The following DBN1 variants were observed in gnomAD, a reference collection of about 807,000 sequenced individuals.
The protein encoded by DBN1 is drebrin.
Under a neutral mutation model 83.5 loss-of-function variants are expected in DBN1, and 21 were observed. That is an observed-to-expected ratio of 0.25 (90% CI 0.18 to 0.36). The LOEUF (loss-of-function observed/expected upper bound fraction) is 0.36. Ranked by LOEUF, DBN1 falls within the 10% of genes least tolerant of loss-of-function variation. The pLI is 1.00. For synonymous variants in DBN1, 381 were observed against 384.9 expected (o/e 0.99, Z 0.12); for missense variants, 874 against 935.7 (o/e 0.93, Z 0.86).
In DBN1 at chr5:177,459,604, T is replaced by A; in HGVS notation, c.1092A>T (p.Pro364=). The A allele has an allele frequency of 6.6e-7, 1 of 1,524,426 alleles. No homozygotes were observed. 94.4% of individuals were successfully genotyped at this position (1,524,426 alleles called of 1,614,324 possible). A position where few individuals can be genotyped will look rare whatever the true frequency, so the allele number is the denominator to read the frequency against. Residue 364 remains proline, a splice_region_variant and synonymous_variant, in exon 11 of 15, where the codon CCA becomes CCT. Transcript: ENST00000393565. ...HRTPNLSSSL[P]CSHLDSHRRM... is the part of the protein sequence containing the mutation. ...CCGAGGCCTGGGGCTGCTACCTACA[T>A]GGGAGGGAGGAAGAGAGGTTTGGGG...
chr5:177,462,445 C>T (rs1757120471), intron 8 of DBN1: 1 of 981,268 alleles, frequency 1.0e-6, no homozygotes, highest in Non-Finnish European at 1.2e-6. Context: ...AGGTCATTTC[C>T]TCCTCTGGGT....
intron 8 of DBN1, among the ~76,000 whole-genome samples, chr5:177,460,940 C>T (rs545995048): frequency 2.6e-5 from 4 of 152,006 alleles, no homozygotes; most frequent in African/African-American, 9.6e-5. Flanking sequence ...CCACCATGCC[C>T]GGCTAATTTT....
chr5:177,466,715 C>T lies in DBN1; in HGVS notation c.771+57G>A. 1 of 1,593,014 alleles carries T rather than the reference C, an allele frequency of 6.3e-7. No homozygotes were observed. The highest frequency in any genetic ancestry group is 1.3e-5 in the African/African-American group (1 of 74,578). ...GATCTCCCCACAAGGCCCAGGAACA[C>T]AGGGACCATTCTCACTTCCCTGACC... On this transcript the variant is annotated intron_variant, in intron 8 of 14. Transcript: ENST00000393565. This position sits in a 1 kb window ranked among gnomAD's most constrained non-coding sequence, Gnocchi z 4.8.
rs534607373 is a variant in DBN1 at position 177,464,961 on chromosome 5, T to C, written c.771+1811A>G. ...TGAGGTCAGGAGATCGAGACCACCC[T>C]GGCTAACATGGTGAAACCCCGTCTC... On this transcript the variant is annotated intron_variant, in intron 8 of 14. Coordinates refer to ENST00000393565, the MANE Select transcript of DBN1 (RefSeq NM_001363541.2). Among the ~76,000 whole-genome samples the C allele has an allele frequency of 6.5e-3, 992 of 152,178 alleles. 4 individuals carry two copies. The highest frequency in any genetic ancestry group is 0.017 in the Middle Eastern group (5 of 294).
At position 177,459,138 on chromosome 5, in the gene DBN1, CGAG is replaced by C. The variant is rs750160145; in HGVS notation, c.1221_1223del (p.Ser408del). ...GTGGCGGTGGCAGTGGTGGAGGCTG[CGAG>C]GAGGTGACCTCATCCAGGGCCCGCT... On this transcript the variant is annotated inframe_deletion, in exon 12 of 15. Coordinates refer to ENST00000393565, the MANE Select transcript of DBN1 (RefSeq NM_001363541.2). The C allele has an allele frequency of 1.1e-5, 18 of 1,610,198 alleles. No homozygotes were observed. In the South Asian group the frequency reaches 1.4e-4, roughly 13 times the overall value.
At chr5:177,471,355 C>A (rs1757829901) in intron 1 of DBN1, among the ~76,000 whole-genome samples, 2 of 152,130 alleles carry the variant, frequency 1.3e-5, no homozygotes, top group Admixed American at 6.5e-5. Context: ...AACAGTGGCC[C>A]TTCCCACCAC....
In DBN1 at chr5:177,467,231, C is replaced by G; in HGVS notation, c.555+24G>C. The G allele has an allele frequency of 6.2e-7, 1 of 1,613,960 alleles. No individual in the cohort carries two copies. The highest frequency in any genetic ancestry group is 8.5e-7 in the Non-Finnish European group (1 of 1,179,880). On this transcript the variant is annotated intron_variant, in intron 6 of 14. Transcript: ENST00000393565. This position sits in a 1 kb window ranked among gnomAD's most constrained non-coding sequence, Gnocchi z 9.1. ...TGGGGTCCATGAGGGGTGGCTCAGC[C>G]AGGCCGGGCTCAGGGTTCCATACCT...
Position 177,459,526 on chromosome 5 carries a change from G to A in DBN1, c.1093+77C>T, listed in dbSNP as rs964164763. On this transcript the variant is annotated intron_variant, in intron 11 of 14. Transcript: ENST00000393565. ...ACACCAGAGATCAGCGGTCAGACTG[G>A]GGGAGTGAGGGCGGGGGGCTGCTGG... 2.0e-5 allele frequency: 29 copies of A among 1,420,354 alleles called. No individual in the cohort carries two copies. The African/African-American group carries it at 3.2e-4, about 16-fold the overall frequency. 88.0% of individuals were successfully genotyped at this position (1,420,354 alleles called of 1,614,324 possible).
At position 177,458,637 on chromosome 5, in the gene DBN1, G is replaced by A. The variant is rs1162588524; in HGVS notation, c.1335C>T (p.Gly445=). The A allele has an allele frequency of 6.3e-7, 1 of 1,598,232 alleles. No homozygotes were observed. ...TRAAAPQAWA[G]PMEEPPQAQA... ...GTGCCTGAGGGGGCTCCTCCATGGGGCCGGCCCAGGCCTGAGGGGCTGCTG... is the reference window on the plus strand; with the variant it reads ...GTGCCTGAGGGGGCTCCTCCATGGGACCGGCCCAGGCCTGAGGGGCTGCTG... Residue 445 remains glycine (G), a synonymous_variant, in exon 13 of 15, where the codon GGC becomes GGT. Transcript: ENST00000393565.
Position 177,458,679 on chromosome 5 carries a change from G to A in DBN1, c.1293C>T (p.Asp431=), listed in dbSNP as rs1363227535. 1.3e-6 allele frequency: 2 copies of A among 1,546,078 alleles called. No individual in the cohort carries two copies. The highest frequency in any genetic ancestry group is 4.1e-5 in the Admixed American group (2 of 49,300). The change falls in exon 13 of 15, where the codon GAC becomes GAT. Residue 431 remains aspartate, a synonymous_variant. Transcript: ENST00000393565. ...GGGCTGCTGCTCTGGTCTCCTCACTGTCTAGGATGGGGCTGGGCTCCTGGG... is the reference window on the plus strand; with the variant it reads ...GGGCTGCTGCTCTGGTCTCCTCACTATCTAGGATGGGGCTGGGCTCCTGGG... The part of the protein sequence containing the change: ...QETQEPSPIL[D]SEETRAAAPQ...
Position 177,467,597 on chromosome 5 carries a change from C to T in DBN1, c.361G>A (p.Val121Met), listed in dbSNP as rs763425619. The change falls in exon 5 of 15, where the codon GTG (valine) becomes ATG (methionine). Residue 121 changes from valine (V) to methionine (M), a missense_variant. Around this residue, in one of 4 missense-constraint regions of DBN1, gnomAD observed 65 missense variants for 97.3 expected, o/e 0.67. Coordinates refer to ENST00000393565, the MANE Select transcript of DBN1 (RefSeq NM_001363541.2). The surrounding 1 kb of genome is among the most constrained non-coding windows in gnomAD (Gnocchi z 9.1). ...GVDVIVNASS[V>M]EDIDAGAIGQ... is the part of the protein sequence containing the mutation. ...ATGGCACCCGCGTCTATGTCTTCCA[C>T]GCTGCTGGCGTTCACGATCACGTCG... 3 of 1,570,540 alleles carry T rather than the reference C, an allele frequency of 1.9e-6. No individual in the cohort carries two copies. Among genetic ancestry groups the T allele is most frequent in the Admixed American group, 1.9e-5 (1 of 53,314 alleles).
intron 1 of DBN1, chr5:177,472,723 A>C: frequency 1.1e-6 from 1 of 929,652 alleles, no homozygotes; most frequent in African/African-American, 1.8e-5. Flanking sequence ...GGTGCCCCCC[A>C]GCCCAGCTGC....
intron 8 of DBN1, among the ~76,000 whole-genome samples, chr5:177,464,390 G>C (rs980062021): frequency 6.6e-6 from 1 of 151,656 alleles, no homozygotes; most frequent in African/African-American, 2.4e-5. Context: ...AGGTTGCAGT[G>C]AGCTGAGATT....
Position 177,458,675 on chromosome 5 carries a change from C to T in DBN1, c.1297G>A (p.Glu433Lys), listed in dbSNP as rs746526803. The T allele has an allele frequency of 1.7e-5, 26 of 1,562,614 alleles. No homozygotes were observed. The highest frequency in any genetic ancestry group is 2.1e-5 in the Non-Finnish European group (24 of 1,158,062). The change falls in exon 13 of 15, where the codon GAG (glutamate) becomes AAG (lysine). Residue 433 changes from glutamate (E) to lysine (K), a missense_variant. Around this residue, in one of 4 missense-constraint regions of DBN1, gnomAD observed 725 missense variants for 719.7 expected, o/e 1.01. Transcript: ENST00000393565. The part of the protein sequence containing the change: ...TQEPSPILDS[E>K]ETRAAAPQAW... The stretch of plus-strand genomic sequence containing the variant: ...TGAGGGGCTGCTGCTCTGGTCTCCT[C>T]ACTGTCTAGGATGGGGCTGGGCTCC...
intron 8 of DBN1, among the ~76,000 whole-genome samples, chr5:177,461,370 T>C (rs907781458): frequency 1.3e-5 from 2 of 151,940 alleles, no homozygotes; most frequent in African/African-American, 4.8e-5. Context: ...AGTGCTGGGA[T>C]TACAGGCGTG....
At position 177,457,755 on chromosome 5, in the gene DBN1, G is replaced by A. The variant is rs945421474; in HGVS notation, c.1917C>T (p.Ala639=). Residue 639 remains alanine, a splice_region_variant and synonymous_variant, in exon 14 of 15, where the codon GCC becomes GCT. Transcript: ENST00000393565. ...GETTQKEGTQ[A]SEGYFSQSQE... is the part of the protein sequence containing the mutation. Reference sequence around the variant, plus strand: ...GTGATTGACTGAAGTACCCCTCACTGGCCTGCAGGGGAAAGCATCAGGTCA... The same window carrying A: ...GTGATTGACTGAAGTACCCCTCACTAGCCTGCAGGGGAAAGCATCAGGTCA... 6.3e-7 allele frequency: 1 copy of A among 1,599,734 alleles called. No homozygotes were observed. Among genetic ancestry groups the A allele is most frequent in the South Asian group, 1.1e-5 (1 of 90,612 alleles).
chr5:177,472,275 G>C (rs1307320498), intron 1 of DBN1: 1 of 1,605,624 alleles, frequency 6.2e-7, no homozygotes, highest in Non-Finnish European at 8.5e-7. Context: ...CAGTGTGCGG[G>C]TGAGGCCAGC....
intron 11 of DBN1, 116 bp from the exon 12 acceptor site, chr5:177,459,384 C>G: frequency 1.4e-6 from 2 of 1,471,152 alleles, no homozygotes; most frequent in Non-Finnish European, 9.0e-7. Context: ...GGGCTGGGAG[C>G]TCTCCAGCCC....
In DBN1 at chr5:177,457,197, C is replaced by T. The variant is rs1756562201; in HGVS notation, c.*236G>A. ...GGAATTTGCAACAGCGTCTCAACTACCAACGAGAGGAAAGCCAGTCAACTG... is the reference window on the plus strand; with the variant it reads ...GGAATTTGCAACAGCGTCTCAACTATCAACGAGAGGAAAGCCAGTCAACTG... On this transcript the variant is annotated 3_prime_UTR_variant, in exon 15 of 15. Coordinates refer to ENST00000393565, the MANE Select transcript of DBN1 (RefSeq NM_001363541.2). The T allele has an allele frequency of 5.4e-6, 3 of 556,386 alleles. No individual in the cohort carries two copies. The highest frequency in any genetic ancestry group is 6.0e-5 in the East Asian group (2 of 33,440). The allele number at this position is 556,386 out of a possible 1,614,324, so 34.5% of individuals were successfully genotyped here. A position where few individuals can be genotyped will look rare whatever the true frequency, so the allele number is the denominator to read the frequency against.
Sources: allele counts gnomAD v4.1 joint callset (sites outside exome capture counted in the v4.1 genomes callset), GRCh38; gene constraint gnomAD v4.1.1; regional missense constraint gnomAD v4.1.1; non-coding constraint Gnocchi (gnomAD v3.1); transcripts MANE v1.5; gene names NCBI Gene and HGNC (gene_info 2026-07-23, HGNC 2026-07-21).